Variants in KSR2 observed in about 807,000 individuals in gnomAD.
The protein encoded by KSR2 is kinase suppressor of ras 2.
Under a neutral mutation model 107.8 loss-of-function variants are expected in KSR2, and 25 were observed. The observed-to-expected ratio is 0.23, with a 90% CI of 0.17 to 0.32. KSR2 has a LOEUF of 0.32. Ranked by LOEUF, KSR2 falls within the 10% of genes least tolerant of loss-of-function variation. The probability of loss-of-function intolerance (pLI) is 1.00; values close to 1 mark genes in which losing one functional copy is unlikely to be tolerated. For missense variants in KSR2, 887 were observed against 1,268.9 expected (o/e 0.70, Z 4.57); for synonymous variants, 480 against 507.0 (o/e 0.95, Z 0.71).
intron 4 of KSR2, among the ~76,000 whole-genome samples, chr12:117,743,347 C>T (rs148509480): frequency 2.0e-4 from 30 of 152,312 alleles, no homozygotes; most frequent in Admixed American, 6.5e-4. Context: ...CCCATTCTAC[C>T]GCCACTGCAG....
chr12:117,595,935 A>T (rs1207571389), intron 5 of KSR2, among the ~76,000 whole-genome samples: 1 of 152,112 alleles, frequency 6.6e-6, no homozygotes, highest in Non-Finnish European at 1.5e-5. Flanking sequence ...CAGCATTCTG[A>T]CCATGGTGAT....
intron 3 of KSR2, among the ~76,000 whole-genome samples, chr12:117,767,210 G>C (rs1218210648): frequency 1.3e-5 from 2 of 149,132 alleles, no homozygotes; most frequent in Non-Finnish European, 3.0e-5. Context: ...TCAGGAGATC[G>C]AGACCATCCT....
intron 4 of KSR2, among the ~76,000 whole-genome samples, chr12:117,708,577 C>T (rs180696616): frequency 2.0e-5 from 3 of 152,290 alleles, no homozygotes; most frequent in Middle Eastern, 3.4e-3. Flanking sequence ...ATTCACACCC[C>T]CAGCTGATGA....
intron 4 of KSR2, among the ~76,000 whole-genome samples, chr12:117,733,833 G>T (rs867030181): frequency 2.6e-5 from 4 of 152,226 alleles, no homozygotes; most frequent in African/African-American, 4.8e-5. Context: ...GGTGCCCCAG[G>T]CCTCTTATAC....
chr12:117,615,423 A>G (rs541023288), intron 5 of KSR2, among the ~76,000 whole-genome samples: 54 of 152,080 alleles, frequency 3.6e-4, no homozygotes, highest in Non-Finnish European at 6.9e-4. Context: ...CCCATTACCT[A>G]CCCATCTCCA....
At chr12:117,607,161 G>A (rs927615770) in intron 5 of KSR2, among the ~76,000 whole-genome samples, 1 of 152,152 alleles carries the variant, frequency 6.6e-6, no homozygotes, top group Non-Finnish European at 1.5e-5. Context: ...CCTCCCCTGG[G>A]CCTGGCCCAG....
intron 14 of KSR2, among the ~76,000 whole-genome samples, chr12:117,522,877 T>A (rs1362141007): frequency 1.3e-5 from 2 of 152,098 alleles, no homozygotes; most frequent in African/African-American, 2.4e-5. Context: ...AGCTACTGAG[T>A]CTGGCTCAGC....
intron 3 of KSR2, among the ~76,000 whole-genome samples, chr12:117,771,816 C>T (rs907741881): frequency 6.6e-6 from 1 of 152,142 alleles, no homozygotes; most frequent in Non-Finnish European, 1.5e-5. Context: ...CCCACCCCTC[C>T]CCGTAGCCTA....
chr12:117,749,495 G>A (rs914833163), intron 4 of KSR2, among the ~76,000 whole-genome samples: 18 of 152,008 alleles, frequency 1.2e-4, no homozygotes, highest in African/African-American at 3.4e-4. Context: ...AAATCTCACC[G>A]TCATAATATC....
intron 1 of KSR2, among the ~76,000 whole-genome samples, chr12:117,939,944 A>AACACACACACACACACAC (rs10561468): frequency 4.3e-5 from 6 of 140,068 alleles, no homozygotes; most frequent in African/African-American, 1.6e-4. Flanking sequence ...CCATCTTAAA[A>AACACACACACACACACAC]ACACACACAC....
intron 1 of KSR2, among the ~76,000 whole-genome samples, chr12:117,931,446 A>G (rs74420659): frequency 0.032 from 4,832 of 152,248 alleles, 127 homozygotes; most frequent in Middle Eastern, 0.12. Context: ...CCTGTATCCA[A>G]TCTCCCTTGC....
Position 117,462,188 on chromosome 12 carries a change from C to T in KSR2, c.*5011G>A, listed in dbSNP as rs1870930072. 1 of 116,306 alleles carries T rather than the reference C, an allele frequency of 8.6e-6. No individual in the cohort carries two copies. The allele number at this position is 116,306 out of a possible 1,614,324, so 7.2% of individuals were successfully genotyped here. On this transcript the variant is annotated 3_prime_UTR_variant, in exon 20 of 20. Transcript: ENST00000339824. ...TTCTACAGTGGAGGACCAGTCAAGG[C>T]ACAAGAGAAAATGTCTTAGAGGGTG...
chr12:117,939,333 G>A lies in KSR2; in HGVS notation c.180+28743C>T, dbSNP rs568897270. 1.2e-4 allele frequency among the ~76,000 whole-genome samples: 19 copies of A among 152,274 alleles called. No individual in the cohort carries two copies. The East Asian group carries it at 3.3e-3, about 26-fold the overall frequency. On this transcript the variant is annotated intron_variant, in intron 1 of 19. Transcript: ENST00000339824. ...TAATCCAGGGAGATTTTTGACATGG[G>A]GAGGCATTGATTGACCATGACTTGA... is the stretch of plus-strand genomic sequence containing the variant.
At chr12:117,806,527 A>G (rs549519933) in intron 3 of KSR2, among the ~76,000 whole-genome samples, 3 of 152,320 alleles carry the variant, frequency 2.0e-5, no homozygotes, top group East Asian at 1.9e-4. Context: ...TTTACAAAAC[A>G]TGAAATTGAC....
chr12:117,712,708 C>G lies in KSR2; in HGVS notation c.987-45050G>C, dbSNP rs1416627637. On this transcript the variant is annotated intron_variant, in intron 4 of 19. Transcript: ENST00000339824. ...ACTTCAACATCAACTTCTGCCAGGC[C>G]ACTGGCAGACCACCAGGGCTTACAG... Among the ~76,000 whole-genome samples, 14 of 152,304 alleles carry G rather than the reference C, an allele frequency of 9.2e-5. No individual in the cohort carries two copies. The East Asian group carries it at 2.7e-3, about 29-fold the overall frequency.
intron 3 of KSR2, among the ~76,000 whole-genome samples, chr12:117,853,975 A>G (rs1450982395): frequency 6.6e-6 from 1 of 152,106 alleles, no homozygotes; most frequent in Non-Finnish European, 1.5e-5. Context: ...CCTTCAACAC[A>G]TAAGACAGCC....
At chr12:117,534,769 TCAC>T (rs1376605185) in intron 10 of KSR2, among the ~76,000 whole-genome samples, 2 of 151,850 alleles carry the variant, frequency 1.3e-5, no homozygotes, top group Admixed American at 1.3e-4. Context: ...GGGCTCAATG[TCAC>T]CACAAGGGTC....
At chr12:117,801,251 G>A (rs1890820824) in intron 3 of KSR2, among the ~76,000 whole-genome samples, 2 of 151,758 alleles carry the variant, frequency 1.3e-5, no homozygotes, top group African/African-American at 2.4e-5. Flanking sequence ...TGAGTAGCTG[G>A]GATTATGGGC....
chr12:117,760,582 A>T (rs758707261), intron 4 of KSR2, among the ~76,000 whole-genome samples: 8 of 152,194 alleles, frequency 5.3e-5, no homozygotes, highest in Non-Finnish European at 7.3e-5. Flanking sequence ...TCCTATTTCT[A>T]GGAGCGGCAC....
Sources: allele counts gnomAD v4.1 joint callset (sites outside exome capture counted in the v4.1 genomes callset), GRCh38; gene constraint gnomAD v4.1.1; transcripts MANE v1.5; gene names NCBI Gene and HGNC (gene_info 2026-07-23, HGNC 2026-07-21).